Variants in PLA2G4E observed in about 807,000 individuals in gnomAD.
PLA2G4E encodes the protein cytosolic phospholipase A2 epsilon.
PLA2G4E carries 84 observed loss-of-function variants against 109.1 expected under a neutral mutation model. The ratio of observed to expected loss-of-function variants is 0.77; its 90% CI spans 0.65 to 0.92. The LOEUF is 0.92. Ranked by LOEUF, PLA2G4E falls within the 40% of genes least tolerant of loss-of-function variation. PLA2G4E has a pLI of 0.00. For missense variants in PLA2G4E, 1,057 were observed against 1,076.6 expected (o/e 0.98, Z 0.25); for synonymous variants, 469 against 436.1 (o/e 1.08, Z -0.94).
Position 42,016,215 on chromosome 15 carries a change from A to G in PLA2G4E, c.184-2458T>C, listed in dbSNP as rs74008940. ...AAAAAAAAGTTTCTATAATCCCACC[A>G]CTCAGAGACCATCTTTTTATCTTTA... On this transcript the variant is annotated intron_variant, in intron 1 of 19. Transcript: ENST00000399518. Among the ~76,000 whole-genome samples, 385 of 136,928 alleles carry G rather than the reference A, an allele frequency of 2.8e-3. 3 individuals carry two copies. The highest frequency in any genetic ancestry group is 0.01 in the African/African-American group (378 of 36,276). 89.8% of individuals were successfully genotyped at this position (136,928 alleles called of 152,430 possible). A position where few individuals can be genotyped will look rare whatever the true frequency, so the allele number is the denominator to read the frequency against.
chr15:41,993,449 C>G (rs1160612858), intron 12 of PLA2G4E, among the ~76,000 whole-genome samples: 1 of 152,200 alleles, frequency 6.6e-6, no homozygotes, highest in Non-Finnish European at 1.5e-5. Context: ...CACATTTAAA[C>G]CCAGGCTCGA....
At chr15:42,018,913 GT>G (rs749625097) in intron 1 of PLA2G4E, among the ~76,000 whole-genome samples, 6 of 152,128 alleles carry the variant, frequency 3.9e-5, no homozygotes, top group Admixed American at 6.5e-5. Context: ...TTTGGCAGGG[GT>G]GAGGGTGGGG....
intron 1 of PLA2G4E, among the ~76,000 whole-genome samples, chr15:42,049,586 C>G (rs927329722): frequency 6.6e-6 from 1 of 152,146 alleles, no homozygotes; most frequent in African/African-American, 2.4e-5. Context: ...CCTTCTGGAT[C>G]CAGACAAGGT....
At chr15:42,035,683 G>C (rs1031501953) in intron 1 of PLA2G4E, among the ~76,000 whole-genome samples, 6 of 152,152 alleles carry the variant, frequency 3.9e-5, no homozygotes, top group Non-Finnish European at 8.8e-5. Flanking sequence ...ACTATCCCTA[G>C]GAAGAGAGAG....
intron 1 of PLA2G4E, among the ~76,000 whole-genome samples, chr15:42,047,433 A>C (rs1889434144): frequency 6.6e-6 from 1 of 150,928 alleles, no homozygotes; most frequent in Non-Finnish European, 1.5e-5. Context: ...CTTTTATAAC[A>C]ATCCCACTCT....
intron 11 of PLA2G4E, among the ~76,000 whole-genome samples, chr15:41,996,277 G>A (rs1162643154): frequency 2.0e-5 from 3 of 149,890 alleles, no homozygotes; most frequent in African/African-American, 7.4e-5. Flanking sequence ...GAGCCTGGGA[G>A]GTGGAGGCTG....
chr15:41,999,616 T>C, intron 9 of PLA2G4E, 55 bp from the exon 10 acceptor site: 1 of 1,594,980 alleles, frequency 6.3e-7, no homozygotes, highest in Non-Finnish European at 8.5e-7. Context: ...AGCCAAGTGA[T>C]CCCAGATCCA....
chr15:42,004,293 C>CGAAA (rs59107866), intron 5 of PLA2G4E, among the ~76,000 whole-genome samples: 7 of 140,402 alleles, frequency 5.0e-5, no homozygotes, highest in South Asian at 2.3e-4. Flanking sequence ...CAGAGTGAGA[C>CGAAA]GAAAGAAAGA....
chr15:41,984,410 G>C, intron 19 of PLA2G4E, 26 bp downstream of exon 19: 1 of 1,593,490 alleles, frequency 6.3e-7, no homozygotes, highest in Non-Finnish European at 8.6e-7. Flanking sequence ...AGCAGGTGCT[G>C]GGAACTGAGC....
intron 6 of PLA2G4E, among the ~76,000 whole-genome samples, chr15:42,001,698 A>G (rs1185469941): frequency 1.3e-5 from 2 of 151,990 alleles, no homozygotes; most frequent in African/African-American, 4.8e-5. Flanking sequence ...CGAAATATGA[A>G]TTTTTGTTTT....
At chr15:42,034,498 T>G (rs1889173267) in intron 1 of PLA2G4E, among the ~76,000 whole-genome samples, 1 of 152,184 alleles carries the variant, frequency 6.6e-6, no homozygotes, top group Non-Finnish European at 1.5e-5. Flanking sequence ...AAGCACCGTT[T>G]TCCTTTAGGA....
chr15:41,993,913 TTCCCC>T (rs2068292295), intron 12 of PLA2G4E, among the ~76,000 whole-genome samples: 1 of 152,184 alleles, frequency 6.6e-6, no homozygotes, highest in Non-Finnish European at 1.5e-5. Flanking sequence ...GACTTGTGCT[TTCCCC>T]AGGCCAGGGG....
chr15:41,997,257 G>C (rs1353536030), exon 11 of PLA2G4E: 3 of 1,543,962 alleles, frequency 1.9e-6, no homozygotes, highest in Non-Finnish European at 2.6e-6. Flanking sequence ...CAGTGTCTCA[G>C]GGCTGGAGGG....
chr15:42,042,256 T>C (rs1889328215), intron 1 of PLA2G4E, among the ~76,000 whole-genome samples: 1 of 152,196 alleles, frequency 6.6e-6, no homozygotes, highest in African/African-American at 2.4e-5. Context: ...ATTTTACATA[T>C]ATCAATATAC....
intron 1 of PLA2G4E, among the ~76,000 whole-genome samples, chr15:42,034,286 A>G (rs1278890380): frequency 6.6e-6 from 1 of 152,150 alleles, no homozygotes; most frequent in African/African-American, 2.4e-5. Flanking sequence ...GACCCGGAGT[A>G]CTCCTAGGCT....
intron 1 of PLA2G4E, among the ~76,000 whole-genome samples, chr15:42,039,589 A>T: frequency 6.6e-6 from 1 of 152,270 alleles, no homozygotes; most frequent in Admixed American, 6.5e-5. Context: ...ATACACATAT[A>T]CTTGGATTTA....
chr15:41,993,451 C>T (rs1279804254), intron 12 of PLA2G4E, among the ~76,000 whole-genome samples: 1 of 152,212 alleles, frequency 6.6e-6, no homozygotes, highest in East Asian at 1.9e-4. Context: ...CATTTAAACC[C>T]AGGCTCGACT....
At chr15:41,993,254 T>C (rs1333002774) in intron 12 of PLA2G4E, among the ~76,000 whole-genome samples, 2 of 152,236 alleles carry the variant, frequency 1.3e-5, no homozygotes, top group Admixed American at 6.5e-5. Flanking sequence ...CCAGGCTCTG[T>C]CGCTCACTAG....
At position 42,000,425 on chromosome 15, in the gene PLA2G4E, C is replaced by T; in HGVS notation, c.674-143G>A. 3.8e-6 allele frequency: 3 copies of T among 797,410 alleles called. No homozygotes were observed. The South Asian group carries it at 5.4e-5, about 14-fold the overall frequency. 49.4% of individuals were successfully genotyped at this position (797,410 alleles called of 1,614,324 possible). ...CCAGTTCAAATTCCCCAGAGATTCT[C>T]AATCTATAGGGTAGGGCAGGGCCCA... On this transcript the variant is annotated intron_variant, in intron 7 of 19. Transcript: ENST00000399518.
Sources: gnomAD v4.1 joint callset for allele counts (sites outside exome capture counted in the v4.1 genomes callset) on GRCh38, gnomAD v4.1.1 for gene constraint, MANE v1.5 for transcripts, NCBI Gene and HGNC (gene_info 2026-07-23, HGNC 2026-07-21) for gene names.